SLC9B2: variants seen among roughly 807,000 people sequenced by gnomAD.
SLC9B2 encodes the protein sodium/hydrogen exchanger 9B2.
SLC9B2 carries 39 observed loss-of-function variants against 52.2 expected under a neutral mutation model. That is an observed-to-expected ratio of 0.75 (90% confidence interval 0.58 to 0.98). SLC9B2 has a LOEUF of 0.98. Among genes scored for constraint, SLC9B2 ranks in the 50% least tolerant of loss-of-function variants. The pLI is 0.00. For missense variants in SLC9B2, 626 were observed against 637.5 expected, an observed-to-expected ratio of 0.98 and a Z score of 0.19; for synonymous variants, 214 against 227.0, an observed-to-expected ratio of 0.94 and a Z score of 0.51.
In SLC9B2 at chr4:103,076,666, C is replaced by T. The variant is rs1315691277; in HGVS notation, c.-525G>A. 1 of 152,268 alleles carries T rather than the reference C, an allele frequency of 6.6e-6. No homozygotes were observed. The highest frequency in any genetic ancestry group is 1.5e-5 in the Non-Finnish European group (1 of 68,048). The allele number at this position is 152,268 out of a possible 1,614,324, so 9.4% of individuals were successfully genotyped here. On this transcript the variant is annotated 5_prime_UTR_variant, in exon 1 of 12. Transcript: ENST00000394785. ...TGCTTATCCTCCCTGGGCGGGTCCG[C>T]AGGCTTCTGGGGCCAGGACCAGCGA...
chr4:103,036,969 GA>G (rs914229301), intron 9 of SLC9B2, among the ~76,000 whole-genome samples: 24 of 150,368 alleles, frequency 1.6e-4, no homozygotes, highest in South Asian at 6.3e-4. Flanking sequence ...TTCCAACAAT[GA>G]AAAAAAAATC....
chr4:103,050,448 A>C (rs1744575784), intron 4 of SLC9B2, 66 bp from the exon 5 acceptor site: 1 of 1,417,560 alleles, frequency 7.1e-7, no homozygotes, highest in Non-Finnish European at 9.3e-7. Flanking sequence ...TAGTACTTTA[A>C]TTTTATACAG....
At chr4:103,028,925 G>A (rs372994980) in intron 10 of SLC9B2, 42 bp from the exon 11 acceptor site, 4 of 1,455,102 alleles carry the variant, frequency 2.7e-6, no homozygotes, top group Non-Finnish European at 3.7e-6. Flanking sequence ...AAAATACTAG[G>A]AGAGAAACTG....
chr4:103,031,771 A>G lies in SLC9B2; in HGVS notation c.1184T>C (p.Ile395Thr). ...VEKIIAVAWD[I>T]FQPLLFGLIG... ...TAGTCCAAAAAGAAGGGGCTGAAAA[A>G]TGTCCCAGGCAACTGCAATTATCTT... The change falls in exon 10 of 12, where the codon ATT (isoleucine) becomes ACT (threonine). Residue 395 changes from isoleucine (I) to threonine (T), a missense_variant. Coordinates refer to ENST00000394785, the MANE Select transcript of SLC9B2 (RefSeq NM_178833.7). The G allele has an allele frequency of 6.2e-7, 1 of 1,612,858 alleles. No homozygotes were observed. Among genetic ancestry groups the G allele is most frequent in the Non-Finnish European group, 8.5e-7 (1 of 1,179,250 alleles).
chr4:103,075,128 C>T (rs1404208448), intron 1 of SLC9B2, among the ~76,000 whole-genome samples: 1 of 152,064 alleles, frequency 6.6e-6, no homozygotes, highest in Non-Finnish European at 1.5e-5. Context: ...CATAACAACC[C>T]CATCCCTTAA....
chr4:103,019,161 G>T (rs1741598071), downstream of SLC9B2, among the ~76,000 whole-genome samples: 1 of 152,092 alleles, frequency 6.6e-6, no homozygotes, highest in African/African-American at 2.4e-5. Flanking sequence ...GGATGTGGGT[G>T]GGTGGGGGAA....
In SLC9B2 at chr4:103,025,075, GTGAATGCT is replaced by G. The variant is rs1406523359; in HGVS notation, c.*1287_*1294del. 1.3e-5 allele frequency among the ~76,000 whole-genome samples: 2 copies of G among 152,212 alleles called. No homozygotes were observed. Among genetic ancestry groups the G allele is most frequent in the African/African-American group, 4.8e-5 (2 of 41,448 alleles). On this transcript the variant is annotated 3_prime_UTR_variant, in exon 12 of 12. Coordinates refer to ENST00000394785, the MANE Select transcript of SLC9B2 (RefSeq NM_178833.7). ...CTGATGTTCCGTTCCTCCTAGGAGT[GTGAATGCT>G]TAGCTAGAGACAACACTTAGCTGCC...
At chr4:103,041,764 T>C (rs1743665398) in intron 9 of SLC9B2, among the ~76,000 whole-genome samples, 1 of 151,958 alleles carries the variant, frequency 6.6e-6, no homozygotes, top group South Asian at 2.1e-4. Flanking sequence ...AATGCTACAG[T>C]TGTACTACAG....
intron 1 of SLC9B2, among the ~76,000 whole-genome samples, chr4:103,073,927 A>G (rs1746890570): frequency 6.6e-6 from 1 of 152,212 alleles, no homozygotes; most frequent in South Asian, 2.1e-4. Context: ...CCTAGGGATA[A>G]GTCATTATTG....
intron 4 of SLC9B2, among the ~76,000 whole-genome samples, chr4:103,053,105 G>A (rs1341610271): frequency 6.7e-6 from 1 of 148,314 alleles, no homozygotes; most frequent in Non-Finnish European, 1.5e-5. Context: ...CCACTCCCAA[G>A]TTTTTTTTTT....
chr4:103,024,683 G>T lies in SLC9B2; in HGVS notation c.*1687C>A, dbSNP rs1002048143. On this transcript the variant is annotated 3_prime_UTR_variant, in exon 12 of 12. Coordinates refer to ENST00000394785, the MANE Select transcript of SLC9B2 (RefSeq NM_178833.7). ...TTTGAATTCTAGGTCGAGGAGTTTA[G>T]ATAGGATATGACAAGTATGTAATAA... Among the ~76,000 whole-genome samples, 1 of 152,168 alleles carries T rather than the reference G, an allele frequency of 6.6e-6. No individual in the cohort carries two copies. The highest frequency in any genetic ancestry group is 1.5e-5 in the Non-Finnish European group (1 of 68,034).
intron 1 of SLC9B2, among the ~76,000 whole-genome samples, chr4:103,071,364 T>G (rs1746613318): frequency 6.7e-6 from 1 of 149,982 alleles, no homozygotes; most frequent in South Asian, 2.1e-4. Context: ...CCACCACGCC[T>G]GGCTAATTTT....
intron 1 of SLC9B2, among the ~76,000 whole-genome samples, chr4:103,070,717 A>G (rs1283518584): frequency 1.3e-5 from 2 of 152,250 alleles, no homozygotes; most frequent in African/African-American, 2.4e-5. Flanking sequence ...CTGGGATTAC[A>G]GGCATGAGCC....
rs1343806610 is a variant in SLC9B2 at position 103,038,752 on chromosome 4, T to C, written c.1146+4544A>G. On this transcript the variant is annotated intron_variant, in intron 9 of 11. Transcript: ENST00000394785. Reference sequence around the variant, plus strand: ...ACTTTTTTGAAAGAACATTTTAAGATTCAGAAAATCCAAAATACCGTATCA... The same window carrying C: ...ACTTTTTTGAAAGAACATTTTAAGACTCAGAAAATCCAAAATACCGTATCA... Among the ~76,000 whole-genome samples, 89 of 152,102 alleles carry C rather than the reference T, an allele frequency of 5.9e-4. 2 individuals are homozygous for C. The highest frequency in any genetic ancestry group is 5.9e-5 in the Non-Finnish European group (4 of 68,024).
At chr4:103,075,369 C>T (rs1384643028) in intron 1 of SLC9B2, among the ~76,000 whole-genome samples, 1 of 152,112 alleles carries the variant, frequency 6.6e-6, no homozygotes, top group African/African-American at 2.4e-5. Context: ...AGGCTGGTCT[C>T]GAACTCCTGA....
At position 103,076,647 on chromosome 4, in the gene SLC9B2, T is replaced by A. The variant is rs1040044724; in HGVS notation, c.-506A>T. On this transcript the variant is annotated 5_prime_UTR_variant, in exon 1 of 12. Transcript: ENST00000394785. Reference sequence around the variant, plus strand: ...CACCGCGCGGTCTTTCAGCTGCTTATCCTCCCTGGGCGGGTCCGCAGGCTT... The same window carrying A: ...CACCGCGCGGTCTTTCAGCTGCTTAACCTCCCTGGGCGGGTCCGCAGGCTT... 6.6e-6 allele frequency: 1 copy of A among 152,240 alleles called. No individual in the cohort carries two copies. The highest frequency in any genetic ancestry group is 2.4e-5 in the African/African-American group (1 of 41,462). 9.4% of individuals were successfully genotyped at this position (152,240 alleles called of 1,614,324 possible). A position where few individuals can be genotyped will look rare whatever the true frequency, so the allele number is the denominator to read the frequency against.
chr4:103,019,709 G>C (rs1741654111), downstream of SLC9B2: 1 of 985,430 alleles, frequency 1.0e-6, no homozygotes, highest in African/African-American at 1.7e-5. Context: ...CGAAAGCCCG[G>C]ATAGACTTCC....
downstream of SLC9B2, chr4:103,020,034 G>C: frequency 1.7e-6 from 1 of 603,434 alleles, no homozygotes. Context: ...GAAGAGCACG[G>C]TCTCTCCCCA....
At chr4:103,073,635 T>G (rs1453712627) in intron 1 of SLC9B2, among the ~76,000 whole-genome samples, 2 of 152,366 alleles carry the variant, frequency 1.3e-5, no homozygotes, top group South Asian at 2.1e-4. Context: ...ATTTGGTTAA[T>G]TGATTTAGTA....
Sources: gnomAD v4.1 joint callset for allele counts (sites outside exome capture counted in the v4.1 genomes callset) on GRCh38, gnomAD v4.1.1 for gene constraint, MANE v1.5 for transcripts, NCBI Gene and HGNC (gene_info 2026-07-23, HGNC 2026-07-21) for gene names.